MBTD1: variants seen among roughly 807,000 people sequenced by gnomAD.
MBTD1 encodes MBT domain-containing protein 1.
Under a neutral mutation model 87.8 loss-of-function variants are expected in MBTD1, and 24 were observed. The ratio of observed to expected loss-of-function variants is 0.27; its 90% confidence interval spans 0.20 to 0.38. The LOEUF (loss-of-function observed/expected upper bound fraction) is 0.38. Among genes scored for constraint, MBTD1 ranks in the 10% least tolerant of loss-of-function variants. MBTD1 has a pLI of 1.00. For missense variants in MBTD1, 436 were observed against 760.2 expected, an observed-to-expected ratio of 0.57 and a Z score of 5.02; for synonymous variants, 237 against 248.6, an observed-to-expected ratio of 0.95 and a Z score of 0.44.
intron 12 of MBTD1, among the ~76,000 whole-genome samples, chr17:51,195,980 C>T (rs1250779005): frequency 1.3e-5 from 2 of 151,758 alleles, no homozygotes; most frequent in African/African-American, 4.8e-5. Context: ...CGAACATGGC[C>T]CACTGCAGCC....
chr17:51,225,286 G>A, intron 2 of MBTD1, 77 bp from the exon 3 acceptor site: 2 of 632,848 alleles, frequency 3.2e-6, no homozygotes, highest in Non-Finnish European at 4.8e-6. Flanking sequence ...CACAAATTCT[G>A]GTAAATGAGA....
At chr17:51,195,064 G>T in intron 13 of MBTD1, 150 bp downstream of exon 13, 1 of 546,310 alleles carries the variant, frequency 1.8e-6, no homozygotes. Context: ...TATATTTTTA[G>T]AGCAACCTAC....
intron 7 of MBTD1, among the ~76,000 whole-genome samples, chr17:51,204,500 T>C (rs2051696694): frequency 6.8e-6 from 1 of 147,104 alleles, no homozygotes; most frequent in African/African-American, 2.5e-5. Context: ...TATATAATTA[T>C]ATATATATAT....
At chr17:51,236,931 T>C (rs527347251) in intron 2 of MBTD1, among the ~76,000 whole-genome samples, 1 of 152,272 alleles carries the variant, frequency 6.6e-6, no homozygotes, top group Admixed American at 6.5e-5. Flanking sequence ...ATAAAACTTC[T>C]GGGAAAAATA....
intron 6 of MBTD1, among the ~76,000 whole-genome samples, chr17:51,213,903 T>C (rs1445909236): frequency 6.7e-6 from 1 of 150,352 alleles, no homozygotes; most frequent in African/African-American, 2.5e-5. Context: ...TTCTTGCCAA[T>C]GTATGGCAAG....
intron 2 of MBTD1, among the ~76,000 whole-genome samples, chr17:51,237,016 G>A (rs117808831): frequency 0.023 from 3,546 of 151,942 alleles, 57 homozygotes; most frequent in Non-Finnish European, 0.032. Context: ...AAAAAAATTC[G>A]GCCAGGCACG....
At chr17:51,230,309 CAT>C (rs1013055076) in intron 2 of MBTD1, among the ~76,000 whole-genome samples, 3 of 152,186 alleles carry the variant, frequency 2.0e-5, no homozygotes, top group Non-Finnish European at 4.4e-5. Flanking sequence ...TTCTGACAAA[CAT>C]GGGTTAAGAC....
Position 51,192,283 on chromosome 17 carries a change from G to A in MBTD1, c.1691-3C>T. On this transcript the variant is annotated splice_region_variant and splice_polypyrimidine_tract_variant and intron_variant, in intron 15 of 16. Coordinates refer to ENST00000586178, the MANE Select transcript of MBTD1 (RefSeq NM_017643.3). ...AGCTGATTGGTTTTCTCTTGATGCT[G>A]AAAAATAAAAAGGGAAAATTGGTAC... 1.3e-6 allele frequency: 2 copies of A among 1,547,958 alleles called. No homozygotes were observed. Among genetic ancestry groups the A allele is most frequent in the Non-Finnish European group, 8.7e-7 (1 of 1,144,512 alleles).
At chr17:51,200,409 A>G (rs938148512) in intron 12 of MBTD1, among the ~76,000 whole-genome samples, 1 of 151,762 alleles carries the variant, frequency 6.6e-6, no homozygotes, top group Admixed American at 6.6e-5. Flanking sequence ...AAACAACAAC[A>G]ACAAAAAAAC....
intron 2 of MBTD1, among the ~76,000 whole-genome samples, chr17:51,226,162 T>C (rs2053203777): frequency 7.0e-6 from 1 of 143,230 alleles, no homozygotes; most frequent in South Asian, 2.3e-4. Flanking sequence ...ATGGTGAGAC[T>C]CCCACTCTAC....
At chr17:51,245,036 C>T (rs2054351287) in intron 2 of MBTD1, among the ~76,000 whole-genome samples, 2 of 152,014 alleles carry the variant, frequency 1.3e-5, no homozygotes, top group African/African-American at 4.8e-5. Flanking sequence ...GAGTAGCTGG[C>T]ACTACAGGCG....
intron 16 of MBTD1, among the ~76,000 whole-genome samples, chr17:51,187,700 A>C (rs2050603161): frequency 6.6e-6 from 1 of 151,942 alleles, no homozygotes; most frequent in Admixed American, 6.6e-5. Context: ...AAATACAAAA[A>C]TTAGCCGTAA....
At chr17:51,195,511 G>C (rs1028142201) in intron 12 of MBTD1, 150 bp from the exon 13 acceptor site, 3 of 570,314 alleles carry the variant, frequency 5.3e-6, no homozygotes, top group Admixed American at 7.7e-5. Flanking sequence ...TTAAATAACA[G>C]AAGTTCTAAT....
intron 6 of MBTD1, among the ~76,000 whole-genome samples, chr17:51,215,546 A>T (rs751887349): frequency 2.0e-5 from 3 of 152,210 alleles, no homozygotes; most frequent in Non-Finnish European, 4.4e-5. Flanking sequence ...GAGTTACTGT[A>T]ACTGAGAACT....
intron 2 of MBTD1, among the ~76,000 whole-genome samples, chr17:51,243,290 CTT>C (rs112156225): frequency 6.9e-4 from 100 of 145,526 alleles, no homozygotes; most frequent in Non-Finnish European, 6.9e-4. Context: ...TTGTCACTGT[CTT>C]TTTTTTTTTT....
intron 12 of MBTD1, among the ~76,000 whole-genome samples, chr17:51,197,006 T>A (rs2051147850): frequency 8.4e-6 from 1 of 119,730 alleles, no homozygotes; most frequent in Admixed American, 8.7e-5. Flanking sequence ...CTCCTTGCAG[T>A]TGATTTTTGT....
chr17:51,179,028 G>T lies in MBTD1; in HGVS notation c.*1548C>A, dbSNP rs1057235429. 4 of 151,970 alleles carry T rather than the reference G, an allele frequency of 2.6e-5. No homozygotes were observed. The highest frequency in any genetic ancestry group is 9.7e-5 in the African/African-American group (4 of 41,410). 9.4% of individuals were successfully genotyped at this position (151,970 alleles called of 1,614,324 possible). ...AAATAAATTGCTGGTTTTTTTTAAC[G>T]TTCTATGCATTTTAAAATTCAAACA... On this transcript the variant is annotated 3_prime_UTR_variant, in exon 17 of 17. Transcript: ENST00000586178.
intron 6 of MBTD1, among the ~76,000 whole-genome samples, chr17:51,215,269 A>G (rs1396167306): frequency 6.6e-6 from 1 of 152,232 alleles, no homozygotes; most frequent in Non-Finnish European, 1.5e-5. Flanking sequence ...TCAATCTCAA[A>G]AAAGGCAGAA....
chr17:51,217,048 A>T (rs2052611375), intron 6 of MBTD1, among the ~76,000 whole-genome samples: 1 of 152,134 alleles, frequency 6.6e-6, no homozygotes, highest in Admixed American at 6.5e-5. Flanking sequence ...AAAAAAATTT[A>T]AAAAATAAAT....
Sources: allele counts gnomAD v4.1 joint callset (sites outside exome capture counted in the v4.1 genomes callset), GRCh38; gene constraint gnomAD v4.1.1; transcripts MANE v1.5; gene names NCBI Gene and HGNC (gene_info 2026-07-23, HGNC 2026-07-21).